Variants in GPBP1 observed in about 807,000 individuals in gnomAD.
GPBP1 encodes GC-rich promoter binding protein 1.
A neutral mutation model predicts 56.5 loss-of-function variants in GPBP1; 13 were observed. The observed-to-expected ratio is 0.23, with a 90% CI of 0.15 to 0.37. The LOEUF is 0.37. Ranked by LOEUF, GPBP1 falls within the 10% of genes least tolerant of loss-of-function variation. The pLI is 1.00. For synonymous variants in GPBP1, 204 were observed against 188.9 expected, an observed-to-expected ratio of 1.08 and a Z score of -0.66; for missense variants, 477 against 572.3, an observed-to-expected ratio of 0.83 and a Z score of 1.70.
intron 2 of GPBP1, among the ~76,000 whole-genome samples, chr5:57,195,971 A>G (rs1754723091): frequency 9.2e-6 from 1 of 108,266 alleles, no homozygotes; most frequent in African/African-American, 4.0e-5. Context: ...ACAGAGTGAA[A>G]CTCCATCTCA....
At chr5:57,194,620 CTTCT>C (rs1754668350) in intron 2 of GPBP1, among the ~76,000 whole-genome samples, 1 of 151,892 alleles carries the variant, frequency 6.6e-6, no homozygotes, top group Non-Finnish European at 1.5e-5. Flanking sequence ...GATCTTATTC[CTTCT>C]ATTTTTGTAC....
intron 2 of GPBP1, among the ~76,000 whole-genome samples, chr5:57,195,429 G>T (rs890231736): frequency 1.3e-5 from 2 of 152,074 alleles, no homozygotes; most frequent in African/African-American, 4.8e-5. Flanking sequence ...AGTGTACCAC[G>T]TCTGGCCTAG....
At chr5:57,219,805 C>G (rs888483292) in intron 3 of GPBP1, among the ~76,000 whole-genome samples, 1 of 152,090 alleles carries the variant, frequency 6.6e-6, no homozygotes, top group African/African-American at 2.4e-5. Flanking sequence ...GTAATCCCAG[C>G]ACTTTGGGAG....
intron 2 of GPBP1, among the ~76,000 whole-genome samples, chr5:57,189,646 A>G (rs1754434753): frequency 6.6e-6 from 1 of 152,184 alleles, no homozygotes; most frequent in Admixed American, 6.5e-5. Flanking sequence ...CAGAGCAGTG[A>G]TCCTTTAAAA....
intron 2 of GPBP1, among the ~76,000 whole-genome samples, chr5:57,211,816 C>A (rs1755494949): frequency 6.6e-6 from 1 of 151,872 alleles, no homozygotes; most frequent in Non-Finnish European, 1.5e-5. Flanking sequence ...AGGTGATCTG[C>A]CCACCTCGGC....
intron 2 of GPBP1, 148 bp downstream of exon 2, chr5:57,176,548 T>G (rs1753794148): frequency 6.6e-6 from 1 of 152,058 alleles, no homozygotes; most frequent in Non-Finnish European, 1.5e-5. Context: ...AAAACAACTA[T>G]TAACCATTGT....
At chr5:57,226,495 A>G (rs1038727140) in intron 3 of GPBP1, among the ~76,000 whole-genome samples, 2 of 148,466 alleles carry the variant, frequency 1.3e-5, no homozygotes, top group Non-Finnish European at 3.0e-5. Flanking sequence ...AAGAATGTAT[A>G]GGGCTGATGG....
chr5:57,180,226 T>C (rs950422382), intron 2 of GPBP1, among the ~76,000 whole-genome samples: 13 of 152,160 alleles, frequency 8.5e-5, no homozygotes, highest in African/African-American at 2.7e-4. Context: ...GTGATTCTTA[T>C]GCCTCAGCCT....
At chr5:57,205,099 T>TCA (rs1187240411) in intron 2 of GPBP1, among the ~76,000 whole-genome samples, 12 of 152,276 alleles carry the variant, frequency 7.9e-5, no homozygotes, top group African/African-American at 2.4e-4. Flanking sequence ...CTCTAAGCAG[T>TCA]CACCCGCATT....
At chr5:57,180,234 C>G (rs771650792) in intron 2 of GPBP1, among the ~76,000 whole-genome samples, 1 of 152,170 alleles carries the variant, frequency 6.6e-6, no homozygotes, top group African/African-American at 2.4e-5. Context: ...TATGCCTCAG[C>G]CTCCCAAGTA....
In GPBP1 at chr5:57,264,494, A is replaced by G. The variant is rs1561385217; in HGVS notation, c.*1742A>G. Reference sequence around the variant, plus strand: ...GTGGTTTACATTTGAGATCCACCTTACTGTGTTTTCTACTTTCAGAAAAGA... The same window carrying G: ...GTGGTTTACATTTGAGATCCACCTTGCTGTGTTTTCTACTTTCAGAAAAGA... On this transcript the variant is annotated 3_prime_UTR_variant, in exon 12 of 12. Transcript: ENST00000506184. 6.6e-6 allele frequency: 1 copy of G among 152,108 alleles called. No homozygotes were observed. Among genetic ancestry groups the G allele is most frequent in the Non-Finnish European group, 1.5e-5 (1 of 67,992 alleles). 9.4% of individuals were successfully genotyped at this position (152,108 alleles called of 1,614,324 possible). A position where few individuals can be genotyped will look rare whatever the true frequency, so the allele number is the denominator to read the frequency against.
chr5:57,261,277 G>T lies in GPBP1; in HGVS notation c.1258G>T (p.Glu420Ter). 1 of 1,570,186 alleles carries T rather than the reference G, an allele frequency of 6.4e-7. No homozygotes were observed. Among genetic ancestry groups the T allele is most frequent in the South Asian group, 1.1e-5 (1 of 90,138 alleles). The change falls in exon 11 of 12, where the codon GAA becomes TAA. Residue 420 changes from glutamate (E) to a stop codon, truncating the protein, a stop_gained. Coordinates refer to ENST00000506184, the MANE Select transcript of GPBP1 (RefSeq NM_022913.4). LOFTEE classifies it high-confidence loss of function. ...DEMREFQVIS[E>*]QLQKNGLRKN... ...AATGAGAGAATTCCAAGTTATTAGT[G>T]AACAGGTAAGAAAACCTGAATCATA...
At chr5:57,238,357 G>A (rs1740634892) in intron 6 of GPBP1, among the ~76,000 whole-genome samples, 1 of 152,040 alleles carries the variant, frequency 6.6e-6, no homozygotes, top group Non-Finnish European at 1.5e-5. Flanking sequence ...ACCTGAGGTC[G>A]ACACCAGCCT....
chr5:57,186,599 C>T (rs547174371), intron 2 of GPBP1, among the ~76,000 whole-genome samples: 58 of 152,114 alleles, frequency 3.8e-4, no homozygotes, highest in African/African-American at 1.3e-3. Context: ...TACACAGGGT[C>T]TCACTCTGTC....
At chr5:57,217,704 C>A (rs1202881482) in intron 3 of GPBP1, among the ~76,000 whole-genome samples, 1 of 151,838 alleles carries the variant, frequency 6.6e-6, no homozygotes, top group Non-Finnish European at 1.5e-5. Flanking sequence ...AAGAATATGA[C>A]CATTTTCAGA....
At chr5:57,178,141 A>C (rs1382706068) in intron 2 of GPBP1, among the ~76,000 whole-genome samples, 1 of 152,190 alleles carries the variant, frequency 6.6e-6, no homozygotes, top group Non-Finnish European at 1.5e-5. Context: ...TCCTCAATTC[A>C]ATGACTTTTC....
intron 2 of GPBP1, among the ~76,000 whole-genome samples, chr5:57,177,609 GATTACAGGTGCCCGCCACC>G (rs953441098): frequency 1.0e-4 from 15 of 148,222 alleles, no homozygotes; most frequent in Non-Finnish European, 2.1e-4. Flanking sequence ...AAGTAGCTGG[GATTACAGGTGCCCGCCACC>G]ACGCTCGGCC....
chr5:57,195,273 A>G (rs148357777), intron 2 of GPBP1, among the ~76,000 whole-genome samples: 51 of 152,124 alleles, frequency 3.4e-4, no homozygotes, highest in African/African-American at 1.2e-3. Flanking sequence ...CTCCCATGTC[A>G]GCCTCTTCAG....
At chr5:57,212,682 T>G (rs898631394) in intron 2 of GPBP1, among the ~76,000 whole-genome samples, 1 of 151,568 alleles carries the variant, frequency 6.6e-6, no homozygotes, top group Non-Finnish European at 1.5e-5. Context: ...CTTTTTTTTT[T>G]TTTTGAGACG....
Sources: allele counts gnomAD v4.1 joint callset (sites outside exome capture counted in the v4.1 genomes callset), GRCh38; gene constraint gnomAD v4.1.1; transcripts MANE v1.5; gene names NCBI Gene and HGNC (gene_info 2026-07-23, HGNC 2026-07-21).